The following STAC variants were observed in gnomAD, a reference collection of about 807,000 sequenced individuals.
STAC encodes SH3 and cysteine-rich domain-containing protein.
A neutral mutation model predicts 48.8 loss-of-function variants in STAC; 43 were observed. That is an observed-to-expected ratio of 0.88 (90% CI 0.69 to 1.14). The LOEUF (loss-of-function observed/expected upper bound fraction) is 1.14. Among genes scored for constraint, STAC ranks in the 50% most tolerant of loss-of-function variants. The pLI, the probability that STAC is intolerant of heterozygous loss-of-function variation, is 0.00. For synonymous variants in STAC, 193 were observed against 179.5 expected (o/e 1.07, Z -0.60); for missense variants, 497 against 504.0 (o/e 0.99, Z 0.13).
intron 8 of STAC, among the ~76,000 whole-genome samples, chr3:36,523,715 T>C (rs1315238721): frequency 6.6e-6 from 1 of 152,184 alleles, no homozygotes; most frequent in Middle Eastern, 3.2e-3. Flanking sequence ...ATGAAACAAC[T>C]GAGGGCAGAG....
At chr3:36,483,494 CA>C (rs1697712053) in intron 3 of STAC, among the ~76,000 whole-genome samples, 2 of 152,098 alleles carry the variant, frequency 1.3e-5, no homozygotes, top group African/African-American at 4.8e-5. Flanking sequence ...CAGTGGGTAG[CA>C]AGAGAGGACA....
intron 1 of STAC, among the ~76,000 whole-genome samples, chr3:36,387,079 C>T (rs1324529631): frequency 2.0e-5 from 3 of 152,056 alleles, no homozygotes; most frequent in African/African-American, 7.2e-5. Context: ...ACCAAACCAA[C>T]TTTTGCTGTC....
intron 2 of STAC, among the ~76,000 whole-genome samples, chr3:36,462,944 A>C (rs1405128303): frequency 6.6e-6 from 1 of 152,176 alleles, no homozygotes; most frequent in Non-Finnish European, 1.5e-5. Flanking sequence ...ATAATATAAC[A>C]ATTTTATATG....
chr3:36,442,704 A>G (rs1432524152), intron 1 of STAC, among the ~76,000 whole-genome samples: 1 of 151,342 alleles, frequency 6.6e-6, no homozygotes, highest in African/African-American at 2.4e-5. Context: ...AAGAGCAGAT[A>G]AAGTCAAAAG....
chr3:36,492,282 T>C (rs1353528360), intron 5 of STAC, among the ~76,000 whole-genome samples: 3 of 151,778 alleles, frequency 2.0e-5, no homozygotes, highest in Admixed American at 2.0e-4. Flanking sequence ...ACCAGTGTGA[T>C]AACCATGAGA....
intron 8 of STAC, among the ~76,000 whole-genome samples, chr3:36,506,488 G>A (rs1354110814): frequency 6.6e-6 from 1 of 152,086 alleles, no homozygotes; most frequent in Non-Finnish European, 1.5e-5. Context: ...GCTTGATGGG[G>A]ATAGCATTGA....
At chr3:36,440,615 A>C (rs1696317831) in intron 1 of STAC, among the ~76,000 whole-genome samples, 1 of 152,220 alleles carries the variant, frequency 6.6e-6, no homozygotes, top group Admixed American at 6.5e-5. Flanking sequence ...CTATTGGTTA[A>C]ATTTCAGAAA....
chr3:36,406,364 G>A (rs1008254391), intron 1 of STAC, among the ~76,000 whole-genome samples: 6 of 152,230 alleles, frequency 3.9e-5, no homozygotes, highest in African/African-American at 1.2e-4. Context: ...GAGGAGCTCT[G>A]AAGCTGGAGT....
intron 1 of STAC, among the ~76,000 whole-genome samples, chr3:36,384,745 C>T (rs1699581184): frequency 6.6e-6 from 1 of 152,132 alleles, no homozygotes; most frequent in South Asian, 2.1e-4. Flanking sequence ...CTATAAGCCA[C>T]CCAGTGCCCT....
chr3:36,494,181 G>A (rs942824400), intron 6 of STAC, among the ~76,000 whole-genome samples: 37 of 147,556 alleles, frequency 2.5e-4, no homozygotes, highest in Admixed American at 1.0e-3. Flanking sequence ...AAAAGAAAGA[G>A]CCACCTCGTA....
rs1299357625 is a variant in STAC at position 36,544,782 on chromosome 3, T to C, written c.1111-1409T>C. The stretch of plus-strand genomic sequence containing the variant: ...ATGTCAAGGGACCTAACATGACCCA[T>C]CAGCTACTTCTCTCACAAGTGACCC... On this transcript the variant is annotated intron_variant, in intron 10 of 10. Coordinates refer to ENST00000273183, the MANE Select transcript of STAC (RefSeq NM_003149.3). Among the ~76,000 whole-genome samples the C allele has an allele frequency of 2.6e-5, 4 of 152,210 alleles. No individual in the cohort carries two copies. The East Asian group carries it at 7.7e-4, about 29-fold the overall frequency.
chr3:36,469,150 CT>C (rs202133069), intron 2 of STAC, among the ~76,000 whole-genome samples: 2 of 151,694 alleles, frequency 1.3e-5, no homozygotes, highest in African/African-American at 2.4e-5. Flanking sequence ...GACTGAATAC[CT>C]TTTTTTTCAT....
intron 10 of STAC, among the ~76,000 whole-genome samples, chr3:36,541,191 A>C (rs932246199): frequency 6.6e-6 from 1 of 152,042 alleles, no homozygotes; most frequent in Non-Finnish European, 1.5e-5. Context: ...GAAAAAAAAA[A>C]CTTTCCCAGA....
rs545167008 is a variant in STAC at position 36,388,425 on chromosome 3, T to C, written c.111+7671T>C. 1.6e-4 allele frequency among the ~76,000 whole-genome samples: 24 copies of C among 152,164 alleles called. No homozygotes were observed. In the South Asian group the frequency reaches 1.9e-3, roughly 12 times the overall value. ...GATACATTGCTAACATTTTCCCAGA[T>C]TGAAATTTGTCTTTTTTCAATTCTA... On this transcript the variant is annotated intron_variant, in intron 1 of 10. Transcript: ENST00000273183.
intron 1 of STAC, among the ~76,000 whole-genome samples, chr3:36,409,079 T>C (rs1700140528): frequency 6.6e-6 from 1 of 152,194 alleles, no homozygotes; most frequent in African/African-American, 2.4e-5. Context: ...TGGTAAAGGA[T>C]TGAAGTCAAG....
intron 1 of STAC, among the ~76,000 whole-genome samples, chr3:36,415,917 G>A (rs1429069572): frequency 6.6e-6 from 1 of 152,086 alleles, no homozygotes; most frequent in Non-Finnish European, 1.5e-5. Flanking sequence ...GATATATATG[G>A]TTGTATATGG....
intron 1 of STAC, among the ~76,000 whole-genome samples, chr3:36,406,054 G>T (rs56981041): frequency 1.3e-5 from 2 of 152,106 alleles, no homozygotes; most frequent in Non-Finnish European, 2.9e-5. Context: ...AGACTGTTTC[G>T]TATTTCCCCT....
intron 2 of STAC, among the ~76,000 whole-genome samples, chr3:36,458,468 C>A (rs962462406): frequency 2.0e-5 from 3 of 152,138 alleles, no homozygotes; most frequent in African/African-American, 7.2e-5. Context: ...AGAAAGAGGG[C>A]ATTTGTAAGC....
At chr3:36,511,551 T>TA (rs1382076441) in intron 8 of STAC, among the ~76,000 whole-genome samples, 3 of 152,118 alleles carry the variant, frequency 2.0e-5, no homozygotes, top group East Asian at 3.9e-4. Flanking sequence ...TTTCCTCTTC[T>TA]AAAAAAAATG....
Sources: allele counts gnomAD v4.1 joint callset (sites outside exome capture counted in the v4.1 genomes callset), GRCh38; gene constraint gnomAD v4.1.1; transcripts MANE v1.5; gene names NCBI Gene and HGNC (gene_info 2026-07-23, HGNC 2026-07-21).